Variants in MCU observed in about 807,000 individuals in gnomAD.
MCU encodes the protein mitochondrial calcium uniporter.
Under a neutral mutation model 45.2 loss-of-function variants are expected in MCU, and 12 were observed. The ratio of observed to expected loss-of-function variants is 0.27; its 90% CI spans 0.17 to 0.43. The LOEUF (loss-of-function observed/expected upper bound fraction) is 0.43, where lower values mean the gene tolerates loss of function less well. Ranked by LOEUF, MCU falls within the 20% of genes least tolerant of loss-of-function variation. MCU has a pLI of 1.00. For missense variants in MCU, 324 were observed against 436.7 expected, an observed-to-expected ratio of 0.74 and a Z score of 2.30; for synonymous variants, 160 against 165.1, an observed-to-expected ratio of 0.97 and a Z score of 0.24.
rs1403030668 is a variant in MCU, at chr10:72,692,216, G to T, written c.65G>T (p.Gly22Val). The T allele has an allele frequency of 2.2e-5, 28 of 1,249,050 alleles. No individual in the cohort carries two copies. The highest frequency in any genetic ancestry group is 2.7e-5 in the Non-Finnish European group (27 of 990,804). 77.4% of individuals were successfully genotyped at this position (1,249,050 alleles called of 1,614,324 possible). ...TCCTCTCGGGGCGGCGGCGGCGGGGGCGCCGGCGGCTGCGGGGCGCTGACT... is the reference window on the plus strand; with the variant it reads ...TCCTCTCGGGGCGGCGGCGGCGGGGTCGCCGGCGGCTGCGGGGCGCTGACT... ...LLSSRGGGGG[G>V]AGGCGALTAG... Residue 22 changes from glycine to valine, a missense_variant, in exon 1 of 8, where the codon GGC becomes GTC. By Grantham distance (109) the Gly-to-Val change is moderately radical (BLOSUM62 -3). Coordinates refer to ENST00000373053, the MANE Select transcript of MCU (RefSeq NM_138357.3).
At chr10:72,788,430 A>G (rs562919047) in intron 1 of MCU, among the ~76,000 whole-genome samples, 2 of 152,336 alleles carry the variant, frequency 1.3e-5, no homozygotes, top group South Asian at 2.1e-4. Flanking sequence ...TTGAAGGCCA[A>G]CCTGGGCTAT....
At chr10:72,844,705 A>G (rs1179093876) in intron 2 of MCU, among the ~76,000 whole-genome samples, 1 of 152,214 alleles carries the variant, frequency 6.6e-6, no homozygotes, top group Non-Finnish European at 1.5e-5. Context: ...CTAACATATA[A>G]TTTAACAAAA....
chr10:72,856,136 G>A (rs1174092705), intron 2 of MCU, among the ~76,000 whole-genome samples: 1 of 152,144 alleles, frequency 6.6e-6, no homozygotes, highest in Non-Finnish European at 1.5e-5. Context: ...CATGCCAAGA[G>A]AAAGAAGCCA....
At chr10:72,843,502 C>T (rs1244631349) in intron 2 of MCU, among the ~76,000 whole-genome samples, 1 of 152,128 alleles carries the variant, frequency 6.6e-6, no homozygotes, top group Non-Finnish European at 1.5e-5. Flanking sequence ...TTCTTTTTAG[C>T]ACTGAATAAT....
Position 72,859,335 on chromosome 10 carries a change from A to G in MCU, c.379A>G (p.Ile127Val), listed in dbSNP as rs1292410533. The change falls in exon 3 of 8, where the codon ATC becomes GTC. Residue 127 changes from isoleucine (I) to valine (V), a missense_variant. Transcript: ENST00000373053. ...GGATCGGGGAATTGACAGAGTTGCT[A>G]TCTATTCACCAGGTATAGTCACCAT... ...EEDRGIDRVA[I>V]YSPDGVRVAA... 6 of 1,611,542 alleles carry G rather than the reference A, an allele frequency of 3.7e-6. No homozygotes were observed. Among genetic ancestry groups the G allele is most frequent in the Admixed American group, 3.4e-5 (2 of 59,570 alleles).
chr10:72,703,946 A>G (rs949751573), intron 1 of MCU, among the ~76,000 whole-genome samples: 1 of 152,178 alleles, frequency 6.6e-6, no homozygotes, highest in Admixed American at 6.6e-5. Flanking sequence ...AGTTTCATGA[A>G]ATAATATTTT....
At position 72,768,305 on chromosome 10, in the gene MCU, C is replaced by A. The variant is rs536669317; in HGVS notation, c.151-66054C>A. On this transcript the variant is annotated intron_variant, in intron 1 of 7. Transcript: ENST00000373053. ...CATTTTGCCTAGGTTTTGAGATAGA[C>A]ATATGGTTTGTAGTCAATAAGATTC... 9.9e-5 allele frequency among the ~76,000 whole-genome samples: 15 copies of A among 152,184 alleles called. 1 individual carries two copies. The South Asian group carries it at 2.3e-3, about 23-fold the overall frequency.
chr10:72,774,685 A>C (rs1843863821), intron 1 of MCU, among the ~76,000 whole-genome samples: 1 of 152,266 alleles, frequency 6.6e-6, no homozygotes, highest in Admixed American at 6.5e-5. Flanking sequence ...CATAAGCTGA[A>C]AGTGAAGGGT....
intron 1 of MCU, among the ~76,000 whole-genome samples, chr10:72,708,769 A>G (rs2132657840): frequency 6.6e-6 from 1 of 152,354 alleles, no homozygotes; most frequent in African/African-American, 2.4e-5. Context: ...AATACTCTTA[A>G]AACAGTTTCG....
intron 1 of MCU, among the ~76,000 whole-genome samples, chr10:72,810,624 C>T (rs1844527914): frequency 7.0e-6 from 1 of 143,808 alleles, no homozygotes; most frequent in African/African-American, 2.5e-5. Context: ...CCTGCCACCA[C>T]GCCCAGCTAG....
At chr10:72,714,405 C>A (rs999142935) in intron 1 of MCU, among the ~76,000 whole-genome samples, 2 of 119,876 alleles carry the variant, frequency 1.7e-5, no homozygotes, top group African/African-American at 3.1e-5. Context: ...CAGGCCCAGG[C>A]TGGCCTTGAA....
chr10:72,730,312 T>C (rs1016162595), intron 1 of MCU, among the ~76,000 whole-genome samples: 72 of 145,744 alleles, frequency 4.9e-4, no homozygotes, highest in Non-Finnish European at 7.8e-4. Context: ...TTTTTCTTTT[T>C]TTTTTTTTTT....
intron 4 of MCU, among the ~76,000 whole-genome samples, chr10:72,866,689 A>G (rs1845462546): frequency 6.6e-6 from 1 of 152,084 alleles, no homozygotes; most frequent in Non-Finnish European, 1.5e-5. Flanking sequence ...CCTGGCCAGT[A>G]CTAGGGTTTT....
chr10:72,805,476 A>G (rs1425190115), intron 1 of MCU, among the ~76,000 whole-genome samples: 1 of 151,570 alleles, frequency 6.6e-6, no homozygotes, highest in East Asian at 2.0e-4. Flanking sequence ...TGAACTCCCA[A>G]GCTCAGGCAA....
intron 1 of MCU, among the ~76,000 whole-genome samples, chr10:72,721,795 A>G (rs752860995): frequency 1.3e-5 from 2 of 152,084 alleles, no homozygotes; most frequent in South Asian, 2.1e-4. Context: ...CATTACTGCT[A>G]TTTCTAGGCA....
intron 6 of MCU, among the ~76,000 whole-genome samples, chr10:72,880,787 A>C (rs1245731244): frequency 1.3e-5 from 2 of 152,228 alleles, no homozygotes; most frequent in Non-Finnish European, 2.9e-5. Flanking sequence ...GACCTATAGA[A>C]TAGAAGAGTA....
At chr10:72,877,661 T>G (rs1845637490) in intron 6 of MCU, among the ~76,000 whole-genome samples, 1 of 151,946 alleles carries the variant, frequency 6.6e-6, no homozygotes, top group Non-Finnish European at 1.5e-5. Context: ...TAGCAAAAAT[T>G]GCTAGGTAAG....
chr10:72,853,822 G>GTCTCTGT (rs1845245786), intron 2 of MCU, among the ~76,000 whole-genome samples: 1 of 151,784 alleles, frequency 6.6e-6, no homozygotes, highest in South Asian at 2.1e-4. Context: ...GGGCAACATA[G>GTCTCTGT]TGAGACCCTG....
chr10:72,877,530 T>C (rs1845635550), intron 6 of MCU, among the ~76,000 whole-genome samples: 1 of 152,090 alleles, frequency 6.6e-6, no homozygotes. Context: ...TAACTAAATA[T>C]TTACTCTGGT....
Sources: gnomAD v4.1 joint callset for allele counts (sites outside exome capture counted in the v4.1 genomes callset) on GRCh38, gnomAD v4.1.1 for gene constraint, MANE v1.5 for transcripts, NCBI Gene and HGNC (gene_info 2026-07-23, HGNC 2026-07-21) for gene names.